The following TRIO variants were observed in gnomAD, a reference collection of about 807,000 sequenced individuals.
The protein encoded by TRIO is trio Rho guanine nucleotide exchange factor.
TRIO carries 58 observed loss-of-function variants against 351.9 expected under a neutral mutation model. The ratio of observed to expected loss-of-function variants is 0.16; its 90% CI spans 0.13 to 0.21. The LOEUF (loss-of-function observed/expected upper bound fraction) is 0.21. Ranked by LOEUF, TRIO falls within the 10% of genes least tolerant of loss-of-function variation. The pLI is 1.00. For missense variants in TRIO, 3,201 were observed against 4,027.8 expected (o/e 0.79, Z 5.56); for synonymous variants, 1,758 against 1,595.7 (o/e 1.10, Z -2.42).
intron 9 of TRIO, among the ~76,000 whole-genome samples, chr5:14,326,554 C>G (rs1339874820): frequency 6.6e-6 from 1 of 152,198 alleles, no homozygotes. Flanking sequence ...CAGCTTTACT[C>G]TTCTGCCTCT....
In TRIO at chr5:14,487,742, C is replaced by G. The variant is rs975107010; in HGVS notation, c.7114C>G (p.Pro2372Ala). 5 of 1,406,600 alleles carry G rather than the reference C, an allele frequency of 3.6e-6. No homozygotes were observed. The highest frequency in any genetic ancestry group is 1.5e-5 in the African/African-American group (1 of 65,470). 87.1% of individuals were successfully genotyped at this position (1,406,600 alleles called of 1,614,324 possible). A position where few individuals can be genotyped will look rare whatever the true frequency, so the allele number is the denominator to read the frequency against. ...EADKMSGTST[P>A]GPSLPPPGAA... Reference sequence around the variant, plus strand: ...AGACAAGATGTCAGGTACGTCCACCCCCGGGCCCTCCCTGCCTCCCCCTGG... The same window carrying G: ...AGACAAGATGTCAGGTACGTCCACCGCCGGGCCCTCCCTGCCTCCCCCTGG... The change falls in exon 48 of 57, where the codon CCC (proline) becomes GCC (alanine). Residue 2372 changes from proline (P) to alanine (A), a missense_variant. This residue lies in a region of TRIO where 1,089 missense variants were observed against 954.9 expected (regional missense o/e 1.14). Transcript: ENST00000344204.
At position 14,250,925 on chromosome 5, in the gene TRIO, C is replaced by A. The variant is rs114171126; in HGVS notation, c.158-19900C>A. Among the ~76,000 whole-genome samples the A allele has an allele frequency of 7.0e-3, 1,065 of 152,194 alleles. 9 individuals carry two copies. The highest frequency in any genetic ancestry group is 0.017 in the Middle Eastern group (5 of 294). ...CATGGCTTAACAGAGGAGGAAGCTG[C>A]GGCCAGGAGAGGTGAAATGATTTGC... On this transcript the variant is annotated intron_variant, in intron 1 of 56. Coordinates refer to ENST00000344204, the MANE Select transcript of TRIO (RefSeq NM_007118.4).
At chr5:14,449,290 C>T (rs972095866) in intron 34 of TRIO, among the ~76,000 whole-genome samples, 20 of 152,306 alleles carry the variant, frequency 1.3e-4, no homozygotes, top group African/African-American at 4.3e-4. Flanking sequence ...GACGCCCTCT[C>T]GGCCCCATCT....
At chr5:14,227,892 T>G (rs1438315183) in intron 1 of TRIO, among the ~76,000 whole-genome samples, 11 of 152,352 alleles carry the variant, frequency 7.2e-5, no homozygotes, top group African/African-American at 2.6e-4. Context: ...TGAGTAAAAT[T>G]AGAATCTAGT....
intron 21 of TRIO, 54 bp from the exon 22 acceptor site, chr5:14,387,384 T>C: frequency 2.6e-6 from 4 of 1,539,676 alleles, no homozygotes; most frequent in Non-Finnish European, 3.5e-6. Context: ...GTGTTTGAGG[T>C]TTCTGGCAGT....
rs376488180 is a variant in TRIO at position 14,288,969 on chromosome 5, C to G, written c.541-1747C>G. ...TAAGATTTCTTGCCGAGGCCAGGCACAGTGGCTCATGCCTGTAATCCCAGC... is the reference window on the plus strand; with the variant it reads ...TAAGATTTCTTGCCGAGGCCAGGCAGAGTGGCTCATGCCTGTAATCCCAGC... On this transcript the variant is annotated intron_variant, in intron 4 of 56. Transcript: ENST00000344204. Among the ~76,000 whole-genome samples, 12 of 152,112 alleles carry G rather than the reference C, an allele frequency of 7.9e-5. No homozygotes were observed. The East Asian group carries it at 1.2e-3, about 15-fold the overall frequency.
intron 19 of TRIO, 62 bp from the exon 20 acceptor site, chr5:14,377,950 A>C: frequency 5.6e-6 from 7 of 1,255,734 alleles, no homozygotes; most frequent in Non-Finnish European, 8.0e-6. Context: ...AATGAATGGA[A>C]TTTCGCGGTT....
Position 14,488,190 on chromosome 5 carries a change from A to G in TRIO, c.7562A>G (p.Lys2521Arg). ...ACACCCCGCCACGCGGCCCCTGGCAAGGATACTGACCGCATGAGCACGTGC... is the reference window on the plus strand; with the variant it reads ...ACACCCCGCCACGCGGCCCCTGGCAGGGATACTGACCGCATGAGCACGTGC... ...RQTPRHAAPGKDTDRMSTCSS... is the reference protein window; with the variant it reads ...RQTPRHAAPGRDTDRMSTCSS... The change falls in exon 48 of 57, where the codon AAG becomes AGG. Residue 2521 changes from lysine to arginine, a missense_variant. By Grantham distance (26) the Lys-to-Arg change is conservative. Around this residue, in one of 19 missense-constraint regions of TRIO, gnomAD observed 1,089 missense variants for 954.9 expected, o/e 1.14. Coordinates refer to ENST00000344204, the MANE Select transcript of TRIO (RefSeq NM_007118.4). 2 of 1,599,150 alleles carry G rather than the reference A, an allele frequency of 1.3e-6. No homozygotes were observed. Among genetic ancestry groups the G allele is most frequent in the Non-Finnish European group, 1.7e-6 (2 of 1,178,480 alleles).
At chr5:14,365,193 A>G (rs1744489550) in intron 15 of TRIO, among the ~76,000 whole-genome samples, 1 of 152,236 alleles carries the variant, frequency 6.6e-6, no homozygotes, top group South Asian at 2.1e-4. Flanking sequence ...CTCAGACTCC[A>G]GATGCCTGGG....
At chr5:14,210,602 T>TG (rs1194045503) in intron 1 of TRIO, among the ~76,000 whole-genome samples, 2 of 151,840 alleles carry the variant, frequency 1.3e-5, no homozygotes, top group Non-Finnish European at 2.9e-5. Context: ...AAAGTGTTTT[T>TG]TTGTTGTTGT....
chr5:14,397,186 T>C, intron 29 of TRIO, 32 bp downstream of exon 29: 1 of 1,532,868 alleles, frequency 6.5e-7, no homozygotes, highest in Non-Finnish European at 8.9e-7. Flanking sequence ...AGTGTGCATC[T>C]ATGCAGTTTC....
chr5:14,389,000 C>T (rs1395801155), intron 24 of TRIO, among the ~76,000 whole-genome samples: 2 of 152,130 alleles, frequency 1.3e-5, no homozygotes, highest in African/African-American at 4.8e-5. Context: ...TGACTGGCAA[C>T]TAATACTCAG....
At chr5:14,424,917 T>A (rs1750512158) in intron 34 of TRIO, among the ~76,000 whole-genome samples, 1 of 152,250 alleles carries the variant, frequency 6.6e-6, no homozygotes, top group Admixed American at 6.5e-5. Flanking sequence ...AATAGTTTAC[T>A]TTTCCACTTG....
chr5:14,144,481 G>A (rs1302604055), intron 1 of TRIO, among the ~76,000 whole-genome samples: 4 of 152,162 alleles, frequency 2.6e-5, no homozygotes, highest in Non-Finnish European at 5.9e-5. Context: ...TCACTGCCCA[G>A]GGAGTGGGGA....
chr5:14,271,503 G>A (rs1484002690), intron 2 of TRIO, among the ~76,000 whole-genome samples: 4 of 152,180 alleles, frequency 2.6e-5, no homozygotes, highest in African/African-American at 7.2e-5. Context: ...GGGCTTGGGG[G>A]CACCTAACTG....
At chr5:14,502,060 T>G (rs953576839) in intron 53 of TRIO, among the ~76,000 whole-genome samples, 1 of 152,228 alleles carries the variant, frequency 6.6e-6, no homozygotes, top group Non-Finnish European at 1.5e-5. Flanking sequence ...TTATGATTCA[T>G]TAACCATGTA....
rs750947029 is a variant in TRIO at position 14,485,187 on chromosome 5, G to A, written c.6776G>A (p.Arg2259Gln). Residue 2259 changes from arginine (R) to glutamine (Q), a missense_variant, in exon 47 of 57, where the codon CGG becomes CAG. This residue lies in a region of TRIO where 1,089 missense variants were observed against 954.9 expected (regional missense o/e 1.14). Coordinates refer to ENST00000344204, the MANE Select transcript of TRIO (RefSeq NM_007118.4). ...TTGCATTCATCTAGTCCAAGTGTCC[G>A]GCAAACTTGGATCCATGAAATCAAC... is the stretch of plus-strand genomic sequence containing the variant. ...FILHSSSPSVRQTWIHEINQI... is the reference protein window; with the variant it reads ...FILHSSSPSVQQTWIHEINQI... 16 of 1,586,596 alleles carry A rather than the reference G, an allele frequency of 1.0e-5. No individual in the cohort carries two copies. Among genetic ancestry groups the A allele is most frequent in the Middle Eastern group, 1.7e-4 (1 of 6,008 alleles).
intron 1 of TRIO, among the ~76,000 whole-genome samples, chr5:14,270,326 T>G (rs893543340): frequency 9.9e-5 from 15 of 152,124 alleles, no homozygotes; most frequent in African/African-American, 3.6e-4. Flanking sequence ...CCCCAGCTAT[T>G]TATAATCCCC....
chr5:14,419,183 G>T (rs1204479990), intron 33 of TRIO, among the ~76,000 whole-genome samples: 1 of 152,042 alleles, frequency 6.6e-6, no homozygotes, highest in African/African-American at 2.4e-5. Context: ...TGAAGTGGGG[G>T]AGCCTAGAAG....
Sources: allele counts gnomAD v4.1 joint callset (sites outside exome capture counted in the v4.1 genomes callset), GRCh38; gene constraint gnomAD v4.1.1; regional missense constraint gnomAD v4.1.1; transcripts MANE v1.5; gene names NCBI Gene and HGNC (gene_info 2026-07-23, HGNC 2026-07-21).